LRRC37A: variants seen among roughly 807,000 people sequenced by gnomAD.
LRRC37A encodes the protein leucine rich repeat containing 37A.
Under a neutral mutation model 35.4 loss-of-function variants are expected in LRRC37A, and 3 were observed. The ratio of observed to expected loss-of-function variants is 0.08; its 90% CI spans 0.04 to 0.22. The LOEUF (loss-of-function observed/expected upper bound fraction) is 0.22, where lower values mean the gene tolerates loss of function less well. LRRC37A is among the 10% of genes least tolerant of loss of function. The pLI is 1.00. For missense variants in LRRC37A, 67 were observed against 565.3 expected, an observed-to-expected ratio of 0.12 and a Z score of 8.94; for synonymous variants, 23 against 215.0, an observed-to-expected ratio of 0.11 and a Z score of 7.81.
At chr17:46,263,235 CAAAT>C in the LRRC37A span, among the ~76,000 whole-genome samples, 2 of 152,108 alleles carry the variant, frequency 1.3e-5, no homozygotes, top group African/African-American at 2.4e-5. Context: ...AACAAACAAA[CAAAT>C]AAATAATTGT....
chr17:46,286,195 G>A, the LRRC37A span, among the ~76,000 whole-genome samples: 1 of 152,234 alleles, frequency 6.6e-6, no homozygotes, highest in Admixed American at 6.5e-5. Context: ...ATATAAAATA[G>A]TTTTAGTATT....
intron 7 of LRRC37A, among the ~76,000 whole-genome samples, chr17:46,324,081 C>A (rs1280630410): frequency 8.4e-6 from 1 of 118,760 alleles, no homozygotes; most frequent in Non-Finnish European, 1.9e-5. Flanking sequence ...GAGTAGTATT[C>A]CGGTTGTGTG....
At chr17:46,260,276 G>C in the LRRC37A span, 3 of 1,516,598 alleles carry the variant, frequency 2.0e-6, no homozygotes, top group South Asian at 3.6e-5. Flanking sequence ...TGCAGCGGGC[G>C]ATGGCGGCCT....
At chr17:46,282,548 G>T in the LRRC37A span, among the ~76,000 whole-genome samples, 3 of 151,766 alleles carry the variant, frequency 2.0e-5, no homozygotes, top group African/African-American at 7.3e-5. Context: ...CCAAGTAGCT[G>T]GGACTATAGG....
chr17:46,284,933 G>A, the LRRC37A span, among the ~76,000 whole-genome samples: 57 of 152,320 alleles, frequency 3.7e-4, no homozygotes, highest in South Asian at 9.5e-3. Flanking sequence ...GGAGTGGCAC[G>A]ATCATAGCTC....
the LRRC37A span, among the ~76,000 whole-genome samples, chr17:46,276,790 C>CTTTTCTTTTTTTTTTTTTTTTT: frequency 5.2e-5 from 7 of 134,310 alleles, no homozygotes; most frequent in Admixed American, 7.7e-5. Context: ...TTCTTTTTTT[C>CTTTTCTTTTTTTTTTTTTTTTT]TTTTTTTTTT....
chr17:46,255,964 C>T, the LRRC37A span, among the ~76,000 whole-genome samples: 1 of 152,104 alleles, frequency 6.6e-6, no homozygotes. Context: ...GGTGAGCCAC[C>T]ACACCCGGCC....
At chr17:46,317,180 C>A (rs1201300878) in intron 5 of LRRC37A, among the ~76,000 whole-genome samples, 23 of 84,134 alleles carry the variant, frequency 2.7e-4, no homozygotes, top group Non-Finnish European at 5.4e-4. Context: ...ACATCCCAGA[C>A]GGGCATGCCC....
At chr17:46,251,756 C>T in the LRRC37A span, among the ~76,000 whole-genome samples, 1 of 150,184 alleles carries the variant, frequency 6.7e-6, no homozygotes, top group African/African-American at 2.4e-5. Context: ...TTCTTTGTCC[C>T]CATGCAGTTT....
At chr17:46,281,508 C>A in the LRRC37A span, among the ~76,000 whole-genome samples, 2 of 152,120 alleles carry the variant, frequency 1.3e-5, no homozygotes, top group Non-Finnish European at 2.9e-5. Flanking sequence ...CAGCTCACTG[C>A]AGCCTTGAAC....
chr17:46,259,636 G>A, the LRRC37A span: 8 of 1,603,266 alleles, frequency 5.0e-6, no homozygotes, highest in Admixed American at 1.2e-4. Flanking sequence ...CAGCCCTACA[G>A]ACACAGCATC....
chr17:46,288,246 A>C (rs1268034537), upstream of LRRC37A, among the ~76,000 whole-genome samples: 2 of 149,456 alleles, frequency 1.3e-5, no homozygotes, highest in African/African-American at 5.0e-5. Context: ...GGCTCACATG[A>C]TCCTCCCACC....
At chr17:46,306,068 A>G (rs1358351577) in intron 4 of LRRC37A, among the ~76,000 whole-genome samples, 161 bp from the exon 5 acceptor site, 1 of 80,906 alleles carries the variant, frequency 1.2e-5, no homozygotes, top group Admixed American at 1.3e-4. Context: ...GTGCAGTGTT[A>G]AAGTATAAAT....
chr17:46,250,033 G>C, the LRRC37A span, among the ~76,000 whole-genome samples: 1 of 152,198 alleles, frequency 6.6e-6, no homozygotes, highest in East Asian at 1.9e-4. Context: ...CTGACCCCAG[G>C]CGATCCACTT....
At chr17:46,265,303 CTTCTTCTTCTTCCTCT>C in the LRRC37A span, among the ~76,000 whole-genome samples, 298 of 114,804 alleles carry the variant, frequency 2.6e-3, 6 homozygotes, top group East Asian at 0.051. Flanking sequence ...TCTTCTTCTT[CTTCTTCTTCTTCCTCT>C]TCTTCTTTTT....
At chr17:46,279,770 C>T in the LRRC37A span, among the ~76,000 whole-genome samples, 8 of 152,294 alleles carry the variant, frequency 5.3e-5, no homozygotes, top group African/African-American at 1.9e-4. Flanking sequence ...GTTGGGATTA[C>T]AGGCATGAAC....
the LRRC37A span, among the ~76,000 whole-genome samples, chr17:46,271,563 A>G: frequency 6.6e-6 from 1 of 152,062 alleles, no homozygotes; most frequent in Admixed American, 6.6e-5. Context: ...AGAGATCTGA[A>G]AGTCCACCAG....
At chr17:46,286,739 C>G in the LRRC37A span, among the ~76,000 whole-genome samples, 1 of 152,086 alleles carries the variant, frequency 6.6e-6, no homozygotes, top group African/African-American at 2.4e-5. Context: ...AATAAGTAAC[C>G]AGTCAGAGCA....
chr17:46,284,921 G>A, the LRRC37A span, among the ~76,000 whole-genome samples: 1 of 152,242 alleles, frequency 6.6e-6, no homozygotes, highest in Non-Finnish European at 1.5e-5. Context: ...CCAGGCTGGA[G>A]TGGAGTGGCA....
Sources: gnomAD v4.1 joint callset for allele counts (sites outside exome capture counted in the v4.1 genomes callset) on GRCh38, gnomAD v4.1.1 for gene constraint, MANE v1.5 for transcripts, NCBI Gene and HGNC (gene_info 2026-07-23, HGNC 2026-07-21) for gene names.